Variants in GPC5 observed in about 807,000 individuals in gnomAD.
GPC5 encodes the protein glypican-5.
GPC5 carries 47 observed loss-of-function variants against 53.9 expected under a neutral mutation model. The observed-to-expected ratio is 0.87, with a 90% CI of 0.69 to 1.11. GPC5 has a LOEUF of 1.11. Among genes scored for constraint, GPC5 ranks in the 50% most tolerant of loss-of-function variants. The probability of loss-of-function intolerance (pLI) is 0.00; values close to 1 mark genes in which losing one functional copy is unlikely to be tolerated. For missense variants in GPC5, 748 were observed against 713.1 expected, an observed-to-expected ratio of 1.05 and a Z score of -0.56; for synonymous variants, 286 against 263.3, an observed-to-expected ratio of 1.09 and a Z score of -0.84.
At chr13:91,872,366 G>T (rs1299828695) in intron 5 of GPC5, among the ~76,000 whole-genome samples, 1 of 152,072 alleles carries the variant, frequency 6.6e-6, no homozygotes, top group African/African-American at 2.4e-5. Flanking sequence ...ACTTATAAGA[G>T]CCTTGGAAAC....
chr13:92,374,717 G>C lies in GPC5; in HGVS notation c.1561+229728G>C, dbSNP rs186504830. The stretch of plus-strand genomic sequence containing the variant: ...GGGGACTGTGGTGGGGTTGGGGGAG[G>C]GGGGAGGGATAGCATTGGGAGATAT... On this transcript the variant is annotated intron_variant, in intron 7 of 7. Coordinates refer to ENST00000377067, the MANE Select transcript of GPC5 (RefSeq NM_004466.6). Among the ~76,000 whole-genome samples, 6 of 141,494 alleles carry C rather than the reference G, an allele frequency of 4.2e-5. No homozygotes were observed. The East Asian group carries it at 8.6e-4, about 20-fold the overall frequency. 92.8% of individuals were successfully genotyped at this position (141,494 alleles called of 152,430 possible). A position where few individuals can be genotyped will look rare whatever the true frequency, so the allele number is the denominator to read the frequency against.
At chr13:92,797,854 TAGA>T (rs1876747778) in intron 7 of GPC5, among the ~76,000 whole-genome samples, 1 of 151,312 alleles carries the variant, frequency 6.6e-6, no homozygotes, top group Non-Finnish European at 1.5e-5. Flanking sequence ...GATAGATAGA[TAGA>T]TAGATAGATA....
intron 2 of GPC5, among the ~76,000 whole-genome samples, chr13:91,579,240 T>C (rs1343153804): frequency 2.0e-5 from 3 of 152,206 alleles, no homozygotes; most frequent in African/African-American, 4.8e-5. Context: ...ACATATCTGC[T>C]CTGGATGCCC....
chr13:92,640,452 G>A (rs1885558229), intron 7 of GPC5, among the ~76,000 whole-genome samples: 1 of 152,060 alleles, frequency 6.6e-6, no homozygotes, highest in Non-Finnish European at 1.5e-5. Flanking sequence ...AGTAGAGACG[G>A]AGTTTCACCG....
At chr13:92,426,885 G>A (rs1045286679) in intron 7 of GPC5, among the ~76,000 whole-genome samples, 3 of 151,922 alleles carry the variant, frequency 2.0e-5, no homozygotes, top group African/African-American at 7.2e-5. Context: ...TAAACTATAG[G>A]AGACCTGTGA....
At chr13:92,489,448 A>C (rs777728539) in intron 7 of GPC5, among the ~76,000 whole-genome samples, 2 of 152,172 alleles carry the variant, frequency 1.3e-5, no homozygotes, top group Admixed American at 6.6e-5. Flanking sequence ...CGTGGAGAAG[A>C]ATTAGGCAAG....
intron 2 of GPC5, among the ~76,000 whole-genome samples, chr13:91,533,671 A>T (rs1208550966): frequency 3.9e-5 from 6 of 152,246 alleles, no homozygotes. Context: ...AATGATTAGC[A>T]CAGGCCACCG....
At chr13:91,745,458 TC>T (rs2037028705) in intron 4 of GPC5, among the ~76,000 whole-genome samples, 1 of 152,108 alleles carries the variant, frequency 6.6e-6, no homozygotes, top group East Asian at 1.9e-4. Flanking sequence ...CTCTCTGAGC[TC>T]CTTTCCATCT....
At chr13:92,203,560 C>T (rs937756801) in intron 7 of GPC5, among the ~76,000 whole-genome samples, 5 of 139,188 alleles carry the variant, frequency 3.6e-5, no homozygotes, top group African/African-American at 8.0e-5. Flanking sequence ...GTGGGTGCAG[C>T]GCACCAGCAT....
intron 7 of GPC5, among the ~76,000 whole-genome samples, chr13:92,636,826 C>T (rs780672577): frequency 1.3e-5 from 2 of 152,110 alleles, no homozygotes; most frequent in South Asian, 2.1e-4. Flanking sequence ...GGATATCTCA[C>T]GTGCATCTAA....
intron 7 of GPC5, among the ~76,000 whole-genome samples, chr13:92,352,875 T>A (rs887077978): frequency 2.0e-5 from 3 of 152,204 alleles, no homozygotes; most frequent in Non-Finnish European, 2.9e-5. Flanking sequence ...CCTGCCCATG[T>A]ACACCTGTTT....
chr13:92,391,343 T>A (rs745597744), intron 7 of GPC5, among the ~76,000 whole-genome samples: 3 of 152,156 alleles, frequency 2.0e-5, no homozygotes, highest in Non-Finnish European at 4.4e-5. Context: ...TGCATTAAGA[T>A]ACAGTCCAAC....
intron 6 of GPC5, among the ~76,000 whole-genome samples, chr13:91,966,104 A>G (rs920271801): frequency 1.3e-5 from 2 of 152,200 alleles, no homozygotes; most frequent in African/African-American, 2.4e-5. Flanking sequence ...AATTCCTCAT[A>G]CGGACACGTG....
chr13:92,435,727 A>G (rs1008178180), intron 7 of GPC5, among the ~76,000 whole-genome samples: 1 of 152,222 alleles, frequency 6.6e-6, no homozygotes, highest in African/African-American at 2.4e-5. Flanking sequence ...ATTCTGGTCA[A>G]CCAACCATAT....
At chr13:92,464,047 G>A (rs1475366631) in intron 7 of GPC5, among the ~76,000 whole-genome samples, 1 of 152,186 alleles carries the variant, frequency 6.6e-6, no homozygotes, top group Admixed American at 6.5e-5. Context: ...ACTAACAGTT[G>A]CAGTAAGAGG....
At chr13:92,555,086 G>C (rs1395405670) in intron 7 of GPC5, among the ~76,000 whole-genome samples, 1 of 151,194 alleles carries the variant, frequency 6.6e-6, no homozygotes, top group Non-Finnish European at 1.5e-5. Context: ...TTGCACAACT[G>C]TATTAATATA....
At chr13:92,209,496 T>C (rs1036846558) in intron 7 of GPC5, among the ~76,000 whole-genome samples, 1 of 152,176 alleles carries the variant, frequency 6.6e-6, no homozygotes, top group African/African-American at 2.4e-5. Context: ...AATAAATTGT[T>C]GTCTACTAAC....
intron 2 of GPC5, among the ~76,000 whole-genome samples, chr13:91,606,219 G>C (rs1420087562): frequency 1.3e-5 from 2 of 151,256 alleles, no homozygotes; most frequent in Non-Finnish European, 2.9e-5. Flanking sequence ...TAATCATGTG[G>C]TTTTTGTCTT....
chr13:92,793,057 T>G (rs766575618), intron 7 of GPC5, among the ~76,000 whole-genome samples: 6 of 152,078 alleles, frequency 3.9e-5, no homozygotes, highest in Non-Finnish European at 8.8e-5. Flanking sequence ...TACAGAACTC[T>G]CCACCCCAAA....
Sources: gnomAD v4.1 joint callset for allele counts (sites outside exome capture counted in the v4.1 genomes callset) on GRCh38, gnomAD v4.1.1 for gene constraint, MANE v1.5 for transcripts, NCBI Gene and HGNC (gene_info 2026-07-23, HGNC 2026-07-21) for gene names.